The following CFAP65 variants were observed in gnomAD, a reference collection of about 807,000 sequenced individuals.
The protein encoded by CFAP65 is cilia and flagella associated protein 65.
A neutral mutation model predicts 208.0 loss-of-function variants in CFAP65; 155 were observed. That is an observed-to-expected ratio of 0.75 (90% confidence interval 0.65 to 0.85). The LOEUF (loss-of-function observed/expected upper bound fraction) is 0.85. Ranked by LOEUF, CFAP65 falls within the 40% of genes least tolerant of loss-of-function variation. The probability of loss-of-function intolerance (pLI) is 0.00; values close to 1 mark genes in which losing one functional copy is unlikely to be tolerated. For synonymous variants in CFAP65, 970 were observed against 986.3 expected (o/e 0.98, Z 0.31); for missense variants, 2,294 against 2,451.3 (o/e 0.94, Z 1.36).
At chr2:219,015,060 A>C (rs1397191684) in intron 21 of CFAP65, 1 of 146,718 alleles carries the variant, frequency 6.8e-6, no homozygotes, top group Non-Finnish European at 1.5e-5. Context: ...CACAACACAC[A>C]CCCGAGGAGA....
At position 219,031,965 on chromosome 2, in the gene CFAP65, G is replaced by A. The variant is rs1948079554; in HGVS notation, c.646-307C>T. On this transcript the variant is annotated intron_variant, in intron 6 of 34. Coordinates refer to ENST00000341552, the MANE Select transcript of CFAP65 (RefSeq NM_194302.4). This position sits in a 1 kb window ranked among gnomAD's most constrained non-coding sequence, Gnocchi z 5.2. ...TTTTTGAGTCTCGCTCTGTCACCCA[G>A]GCTGGAGTGCAGTGGTGAGATCTCA... 6.8e-6 allele frequency among the ~76,000 whole-genome samples: 1 copy of A among 147,026 alleles called. No homozygotes were observed. Among genetic ancestry groups the A allele is most frequent in the African/African-American group, 2.5e-5 (1 of 39,984 alleles).
Position 219,027,741 on chromosome 2 carries a change from G to C in CFAP65, c.2120C>G (p.Pro707Arg). The C allele has an allele frequency of 1.2e-6, 2 of 1,614,120 alleles. No individual in the cohort carries two copies. The highest frequency in any genetic ancestry group is 1.7e-5 in the Admixed American group (1 of 60,030). ...WVTPESCDVP[P>R]LKSMAMRLHF... ...CAGGCGCATGGCCATGGACTTGAGT[G>C]GGGGCACGTCGCAGCTCTCTGGAGT... is the stretch of plus-strand genomic sequence containing the variant. The change falls in exon 13 of 35, where the codon CCA (proline) becomes CGA (arginine). Residue 707 changes from proline to arginine, a missense_variant. Pro to Arg is a moderately radical substitution (Grantham distance 103, BLOSUM62 -2). Coordinates refer to ENST00000341552, the MANE Select transcript of CFAP65 (RefSeq NM_194302.4).
intron 16 of CFAP65, 40 bp from the exon 17 acceptor site, chr2:219,022,369 G>A (rs1254126153): frequency 1.3e-6 from 2 of 1,565,180 alleles, no homozygotes; most frequent in Non-Finnish European, 1.7e-6. Context: ...GCCTTCGGAA[G>A]CCCCTCCACA....
intron 24 of CFAP65, 151 bp downstream of exon 24, chr2:219,013,108 C>G: frequency 1.5e-6 from 1 of 646,018 alleles, no homozygotes; most frequent in Non-Finnish European, 2.8e-6. Context: ...AAGTCTCTCC[C>G]AGTTGCCCAG....
In CFAP65 at chr2:219,009,086, C is replaced by T; in HGVS notation, c.4635G>A (p.Arg1545=). 2 of 1,612,924 alleles carry T rather than the reference C, an allele frequency of 1.2e-6. No homozygotes were observed. The highest frequency in any genetic ancestry group is 1.7e-6 in the Non-Finnish European group (2 of 1,179,936). ...CGGTGATGGTGAACTCCACTTCCTG[C>T]CGCACCTTCTCGTCCTTCCACTCCT... The part of the protein sequence containing the change: ...ELQEWKDEKV[R]QEVEFTITDM... Residue 1545 remains arginine, a synonymous_variant, in exon 29 of 35, where the codon CGG becomes CGA. Coordinates refer to ENST00000341552, the MANE Select transcript of CFAP65 (RefSeq NM_194302.4).
rs1427505090 is a variant in CFAP65 at position 219,019,132 on chromosome 2, T to C, written c.3521A>G (p.Asn1174Ser). ...PVLTPLRLDF[N>S]FGAAPFKAPP... ...GGCCTTGAATGGTGCGGCCCCGAAA[T>C]TGAAGTCAAGCCTTAAAGGGGTGAG... is the stretch of plus-strand genomic sequence containing the variant. Residue 1174 changes from asparagine to serine, a missense_variant, in exon 21 of 35, where the codon AAT (asparagine) becomes AGT (serine). Physicochemically the swap from Asn to Ser is conservative, Grantham distance 46. Around this residue, in one of 2 missense-constraint regions of CFAP65, gnomAD observed 1,427 missense variants for 1,438.7 expected, o/e 0.99. Transcript: ENST00000341552. 4 of 1,613,920 alleles carry C rather than the reference T, an allele frequency of 2.5e-6. No homozygotes were observed. The highest frequency in any genetic ancestry group is 3.4e-6 in the Non-Finnish European group (4 of 1,180,004).
chr2:219,036,444 C>CTTT (rs768149167), intron 4 of CFAP65, among the ~76,000 whole-genome samples: 2 of 142,464 alleles, frequency 1.4e-5, no homozygotes, highest in South Asian at 4.5e-4. Flanking sequence ...GGCATTTTAT[C>CTTT]TTTTTTTTTT....
chr2:219,023,163 A>G (rs1947380287), intron 16 of CFAP65, 44 bp downstream of exon 16: 1 of 1,510,656 alleles, frequency 6.6e-7, no homozygotes, highest in South Asian at 1.2e-5. Context: ...AAGAGATGAC[A>G]GAAGTGAAGG....
intron 30 of CFAP65, 78 bp downstream of exon 30, chr2:219,006,387 G>A (rs1237965665): frequency 1.3e-6 from 2 of 1,562,098 alleles, no homozygotes; most frequent in Admixed American, 1.7e-5. Flanking sequence ...TGGTCCAGGG[G>A]TTGGAGGTCT....
Position 219,003,857 on chromosome 2 carries a change from C to T in CFAP65, c.5555+95G>A. Reference sequence around the variant, plus strand: ...AAGCACTGAATTAGGATGAGATGTGCATACAGGCAGCAGCCATCCTTGGCA... The same window carrying T: ...AAGCACTGAATTAGGATGAGATGTGTATACAGGCAGCAGCCATCCTTGGCA... On this transcript the variant is annotated intron_variant, in intron 33 of 34. Transcript: ENST00000341552. This position sits in a 1 kb window ranked among gnomAD's most constrained non-coding sequence, Gnocchi z 4.4. 6.9e-7 allele frequency: 1 copy of T among 1,443,876 alleles called. No homozygotes were observed. Among genetic ancestry groups the T allele is most frequent in the Non-Finnish European group, 9.5e-7 (1 of 1,056,618 alleles). 89.4% of individuals were successfully genotyped at this position (1,443,876 alleles called of 1,614,324 possible).
At chr2:219,041,399 G>A (rs1462643131) in intron 1 of CFAP65, 89 bp downstream of exon 1, 1 of 1,423,534 alleles carries the variant, frequency 7.0e-7, no homozygotes. Context: ...TTTCCCGAAG[G>A]ATAGGGTCTC....
chr2:219,030,655 G>C lies in CFAP65; in HGVS notation c.1161+34C>G, dbSNP rs73072407. Reference sequence around the variant, plus strand: ...TTTAGGAAATTCCAATCCTGGGGGCGTGAGTCCTGCCGCCCCTCCTGCCTG... The same window carrying C: ...TTTAGGAAATTCCAATCCTGGGGGCCTGAGTCCTGCCGCCCCTCCTGCCTG... On this transcript the variant is annotated intron_variant, in intron 9 of 34. Coordinates refer to ENST00000341552, the MANE Select transcript of CFAP65 (RefSeq NM_194302.4). 977 of 1,602,734 alleles carry C rather than the reference G, an allele frequency of 6.1e-4. 7 individuals carry two copies. In the African/African-American group the frequency reaches 0.01, roughly 16 times the overall value.
At chr2:219,023,955 G>A (rs1283826688) in intron 15 of CFAP65, 60 bp downstream of exon 15, 1 of 1,563,532 alleles carries the variant, frequency 6.4e-7, no homozygotes, top group Non-Finnish European at 8.7e-7. Flanking sequence ...GCCTTGAAAA[G>A]GGTGGTTCAA....
Position 219,014,028 on chromosome 2 carries a change from T to C in CFAP65, c.3619A>G (p.Ser1207Gly). ...VSLDWAFLLP[S>G]DQRIDVELWA... ...AGCTCCACGTCAATCCGCTGGTCAC[T>C]TGGAAGGAGGAAGGCCCTGGGAGAG... is the stretch of plus-strand genomic sequence containing the variant. The change falls in exon 22 of 35, where the codon AGT becomes GGT. Residue 1207 changes from serine (S) to glycine (G), a missense_variant. Physicochemically the swap from Ser to Gly is moderately conservative, Grantham distance 56. Transcript: ENST00000341552. 6.2e-7 allele frequency: 1 copy of C among 1,611,660 alleles called. No homozygotes were observed. Among genetic ancestry groups the C allele is most frequent in the Admixed American group, 1.7e-5 (1 of 59,710 alleles).
chr2:219,022,404 T>C (rs571315532), intron 16 of CFAP65, 75 bp from the exon 17 acceptor site: 27 of 1,509,030 alleles, frequency 1.8e-5, no homozygotes, highest in South Asian at 1.3e-4. Context: ...CGAGGCCCCA[T>C]GGCAGGGCGT....
intron 4 of CFAP65, among the ~76,000 whole-genome samples, chr2:219,036,298 C>T (rs1948353668): frequency 6.6e-6 from 1 of 152,130 alleles, no homozygotes; most frequent in South Asian, 2.1e-4. Flanking sequence ...GAAAATCTTT[C>T]CATAGGCTTA....
intron 21 of CFAP65, among the ~76,000 whole-genome samples, chr2:219,015,997 C>A (rs1036453515): frequency 3.9e-5 from 6 of 152,026 alleles, no homozygotes; most frequent in African/African-American, 9.7e-5. Context: ...GAAAGAGAAC[C>A]GCTCTGTAAA....
chr2:219,029,834 C>A, intron 10 of CFAP65, 152 bp downstream of exon 10: 1 of 1,136,796 alleles, frequency 8.8e-7, no homozygotes, highest in South Asian at 1.5e-5. Context: ...TCCAGGTAGT[C>A]ACGGATGATT....
chr2:219,030,199 G>A lies in CFAP65; in HGVS notation c.1171C>T (p.Pro391Ser), dbSNP rs760730655. 1.2e-6 allele frequency: 2 copies of A among 1,613,942 alleles called. No homozygotes were observed. Among genetic ancestry groups the A allele is most frequent in the Non-Finnish European group, 1.7e-6 (2 of 1,180,002 alleles). Residue 391 changes from proline to serine, a missense_variant, in exon 10 of 35, where the codon CCC becomes TCC. By Grantham distance (74) the Pro-to-Ser change is moderately conservative. Coordinates refer to ENST00000341552, the MANE Select transcript of CFAP65 (RefSeq NM_194302.4). The stretch of plus-strand genomic sequence containing the variant: ...TCCGGGGAAATTTCAATCCTGAAGG[G>A]GGCATTTACCTGTGTGGCCAAGCAG... ...RLHNPSAVNA[P>S]FRIEISPDEL... is the part of the protein sequence containing the mutation.
Sources: allele counts gnomAD v4.1 joint callset (sites outside exome capture counted in the v4.1 genomes callset), GRCh38; gene constraint gnomAD v4.1.1; regional missense constraint gnomAD v4.1.1; non-coding constraint Gnocchi (gnomAD v3.1); transcripts MANE v1.5; gene names NCBI Gene and HGNC (gene_info 2026-07-23, HGNC 2026-07-21).